The following RASA3 variants were observed in gnomAD, a reference collection of about 807,000 sequenced individuals.
RASA3 encodes ras GTPase-activating protein 3.
A neutral mutation model predicts 110.0 loss-of-function variants in RASA3; 73 were observed. The observed-to-expected ratio is 0.66, with a 90% CI of 0.55 to 0.81. The LOEUF is 0.81. Ranked by LOEUF, RASA3 falls within the 30% of genes least tolerant of loss-of-function variation. RASA3 has a pLI of 0.00. For missense variants in RASA3, 976 were observed against 1,113.2 expected (o/e 0.88, Z 1.75); for synonymous variants, 500 against 451.4 (o/e 1.11, Z -1.37).
At chr13:114,017,972 G>C (rs1330496059) in intron 11 of RASA3, 132 bp downstream of exon 11, 3 of 1,066,852 alleles carry the variant, frequency 2.8e-6, no homozygotes, top group African/African-American at 3.3e-5. Flanking sequence ...AAGAAAACCT[G>C]AATCAACATG....
chr13:114,058,080 C>T (rs1331769033), intron 2 of RASA3, among the ~76,000 whole-genome samples: 1 of 152,184 alleles, frequency 6.6e-6, no homozygotes, highest in African/African-American at 2.4e-5. Flanking sequence ...GAGGCCAGAA[C>T]CAGCCGAGTG....
rs779531905 is a variant in RASA3 at position 114,089,257 on chromosome 13, G to GGAGGGGAGAC, written c.56-15430_56-15421dup. ...GCAGGGATGTTCGGAGGAGGAGAGA[G>GGAGGGGAGAC]GAGGGGAGACGAGGGGAGACGAGGG... On this transcript the variant is annotated intron_variant, in intron 1 of 23. Transcript: ENST00000334062. Among the ~76,000 whole-genome samples the GGAGGGGAGAC allele has an allele frequency of 5.3e-3, 798 of 149,378 alleles. 6 individuals carry two copies. The highest frequency in any genetic ancestry group is 0.017 in the African/African-American group (695 of 40,012).
chr13:114,003,868 G>A (rs1280252054), intron 18 of RASA3, among the ~76,000 whole-genome samples: 1 of 152,256 alleles, frequency 6.6e-6, no homozygotes, highest in African/African-American at 2.4e-5. Context: ...GGAACCTCGT[G>A]CGTAAGGAAT....
chr13:114,128,688 G>A (rs1032914907), intron 1 of RASA3, among the ~76,000 whole-genome samples: 1 of 152,372 alleles, frequency 6.6e-6, no homozygotes, highest in East Asian at 1.9e-4. Context: ...CCGGCCGTGG[G>A]TCTTCTTCAC....
intron 4 of RASA3, among the ~76,000 whole-genome samples, chr13:114,037,738 C>G (rs772150641): frequency 7.2e-5 from 11 of 152,212 alleles, no homozygotes; most frequent in Admixed American, 3.9e-4. Flanking sequence ...GAGACACACA[C>G]AGAAACACGT....
chr13:114,073,985 GATGTGCACCCC>G, intron 1 of RASA3, 148 bp from the exon 2 acceptor site: 1 of 718,206 alleles, frequency 1.4e-6, no homozygotes, highest in South Asian at 1.6e-5. Flanking sequence ...TCAAAATGTG[GATGTGCACCCC>G]ATGTGTACTG....
chr13:114,075,131 T>G (rs1322300519), intron 1 of RASA3, among the ~76,000 whole-genome samples: 1 of 152,216 alleles, frequency 6.6e-6, no homozygotes, highest in Non-Finnish European at 1.5e-5. Flanking sequence ...AGGCTCCTGC[T>G]GGCGCCACTC....
chr13:114,007,660 C>T (rs367887925), intron 17 of RASA3, 54 bp from the exon 18 acceptor site: 195 of 1,413,832 alleles, frequency 1.4e-4, no homozygotes, highest in South Asian at 8.4e-4. Context: ...CTGACGTGCA[C>T]GGCTCTCTGT....
rs2053946610 is a variant in RASA3, at chr13:114,022,464, G to T, written c.681-956C>A. On this transcript the variant is annotated intron_variant, in intron 8 of 23. Coordinates refer to ENST00000334062, the MANE Select transcript of RASA3 (RefSeq NM_007368.4). ...GTTACACGTGGCCAGCCCTACCCAG[G>T]GGGCTAAAACTCGGCAGGCCTAACC... Among the ~76,000 whole-genome samples, 4 of 152,350 alleles carry T rather than the reference G, an allele frequency of 2.6e-5. 1 individual carries two copies. The highest frequency in any genetic ancestry group is 6.8e-3 in the Middle Eastern group (2 of 294).
chr13:114,005,749 G>T (rs2053500987), intron 18 of RASA3, among the ~76,000 whole-genome samples: 1 of 151,254 alleles, frequency 6.6e-6, no homozygotes, highest in Non-Finnish European at 1.5e-5. Context: ...CTCCCCTCCG[G>T]CCCTGCCGGA....
chr13:113,999,313 G>A (rs1355299237), intron 20 of RASA3, among the ~76,000 whole-genome samples: 1 of 152,174 alleles, frequency 6.6e-6, no homozygotes, highest in East Asian at 1.9e-4. Context: ...GACCCTGCGG[G>A]GGACGCCACC....
chr13:114,075,418 G>C (rs536351650), intron 1 of RASA3, among the ~76,000 whole-genome samples: 15 of 152,354 alleles, frequency 9.8e-5, no homozygotes, highest in African/African-American at 2.6e-4. Context: ...CTGTGAGAAG[G>C]AGCAGAAGCC....
chr13:114,054,807 A>AT (rs2079209280), intron 2 of RASA3, among the ~76,000 whole-genome samples: 1 of 152,266 alleles, frequency 6.6e-6, no homozygotes, highest in South Asian at 2.1e-4. Flanking sequence ...ATGAAGGCCC[A>AT]TTAGAAAGTC....
intron 7 of RASA3, among the ~76,000 whole-genome samples, chr13:114,024,788 C>T (rs551845080): frequency 4.6e-5 from 7 of 152,330 alleles, no homozygotes; most frequent in East Asian, 3.9e-4. Context: ...GGAAGTGAAA[C>T]GCGTGAGGTC....
chr13:114,054,216 T>C (rs2079199105), intron 2 of RASA3, among the ~76,000 whole-genome samples: 1 of 152,226 alleles, frequency 6.6e-6, no homozygotes, highest in South Asian at 2.1e-4. Flanking sequence ...AAGACTTATA[T>C]ACAGAATATA....
At position 113,978,533 on chromosome 13, in the gene RASA3, A is replaced by C. The variant is rs546475807; in HGVS notation, c.*814T>G. The C allele has an allele frequency of 6.6e-6, 1 of 152,322 alleles. No homozygotes were observed. Among genetic ancestry groups the C allele is most frequent in the African/African-American group, 2.4e-5 (1 of 41,548 alleles). The allele number at this position is 152,322 out of a possible 1,614,324, so 9.4% of individuals were successfully genotyped here. A position where few individuals can be genotyped will look rare whatever the true frequency, so the allele number is the denominator to read the frequency against. On this transcript the variant is annotated 3_prime_UTR_variant, in exon 24 of 24. Transcript: ENST00000334062. ...TACATTTCTATTTTTAAAATCTTCAAACTTCCACGGGGGGTGGCAAATGTT... is the reference window on the plus strand; with the variant it reads ...TACATTTCTATTTTTAAAATCTTCACACTTCCACGGGGGGTGGCAAATGTT...
intron 22 of RASA3, among the ~76,000 whole-genome samples, chr13:113,991,643 A>G (rs1364675057): frequency 6.6e-6 from 1 of 152,244 alleles, no homozygotes; most frequent in Non-Finnish European, 1.5e-5. Flanking sequence ...AAGCAATTCA[A>G]TGTCACAGAT....
intron 7 of RASA3, among the ~76,000 whole-genome samples, chr13:114,025,678 T>C (rs745798571): frequency 6.6e-6 from 1 of 152,252 alleles, no homozygotes; most frequent in Non-Finnish European, 1.5e-5. Flanking sequence ...AGGCAGCTCC[T>C]ACCAAATTTA....
chr13:114,012,639 A>C, intron 15 of RASA3, among the ~76,000 whole-genome samples: 6 of 94,602 alleles, frequency 6.3e-5, no homozygotes, highest in South Asian at 3.5e-4. Context: ...TTCCACACAC[A>C]CTCCCCATTC....
Sources: gnomAD v4.1 joint callset for allele counts (sites outside exome capture counted in the v4.1 genomes callset) on GRCh38, gnomAD v4.1.1 for gene constraint, MANE v1.5 for transcripts, NCBI Gene and HGNC (gene_info 2026-07-23, HGNC 2026-07-21) for gene names.